The following ZNF277 variants were observed in gnomAD, a reference collection of about 807,000 sequenced individuals.
The protein encoded by ZNF277 is zinc finger protein 277.
ZNF277 carries 55 observed loss-of-function variants against 60.7 expected under a neutral mutation model. The observed-to-expected ratio is 0.91, with a 90% confidence interval of 0.73 to 1.13. The LOEUF (loss-of-function observed/expected upper bound fraction) is 1.13. Among genes scored for constraint, ZNF277 ranks in the 50% most tolerant of loss-of-function variants. ZNF277 has a pLI of 0.00. For synonymous variants in ZNF277, 178 were observed against 179.3 expected (o/e 0.99, Z 0.06); for missense variants, 510 against 523.0 (o/e 0.98, Z 0.24).
intron 5 of ZNF277, among the ~76,000 whole-genome samples, chr7:112,324,983 A>T (rs1399219528): frequency 6.6e-6 from 1 of 152,102 alleles, no homozygotes; most frequent in Non-Finnish European, 1.5e-5. Flanking sequence ...CCTCATTGGT[A>T]TGGGCTATCT....
chr7:112,340,611 T>C (rs1243497154), intron 10 of ZNF277, among the ~76,000 whole-genome samples: 2 of 152,220 alleles, frequency 1.3e-5, no homozygotes, highest in Non-Finnish European at 2.9e-5. Context: ...TAATATGTAA[T>C]GTAGGTATGA....
chr7:112,285,869 C>G (rs1792053462), intron 1 of ZNF277, among the ~76,000 whole-genome samples: 1 of 152,168 alleles, frequency 6.6e-6, no homozygotes, highest in African/African-American at 2.4e-5. Context: ...TAACCTAATT[C>G]TGAAAACTTG....
chr7:112,258,281 G>A (rs974785247), intron 1 of ZNF277, among the ~76,000 whole-genome samples: 1 of 147,294 alleles, frequency 6.8e-6, no homozygotes, highest in African/African-American at 2.5e-5. Context: ...CTTTTTTTTT[G>A]CTTTCTTCCT....
intron 1 of ZNF277, among the ~76,000 whole-genome samples, chr7:112,283,542 A>T (rs1405021024): frequency 6.6e-6 from 1 of 152,132 alleles, no homozygotes; most frequent in Non-Finnish European, 1.5e-5. Flanking sequence ...CAAGCCCCCA[A>T]ATACAACTTA....
In ZNF277 at chr7:112,228,638, G is replaced by A. The variant is rs565396240; in HGVS notation, c.91+21831G>A. 2.0e-5 allele frequency among the ~76,000 whole-genome samples: 3 copies of A among 151,558 alleles called. No individual in the cohort carries two copies. In the South Asian group the frequency reaches 6.3e-4, roughly 32 times the overall value. On this transcript the variant is annotated intron_variant, in intron 1 of 11. Transcript: ENST00000361822. ...AAATATGCATGGTCTTTTATGCCAG[G>A]CTTTTCCAACACTCTTATTTTTTTA...
chr7:112,343,012 A>T lies in ZNF277; in HGVS notation c.*283A>T, dbSNP rs2117152141. 4.9e-6 allele frequency: 1 copy of T among 202,390 alleles called. No homozygotes were observed. The highest frequency in any genetic ancestry group is 1.1e-4 in the East Asian group (1 of 9,092). The allele number at this position is 202,390 out of a possible 1,614,324, so 12.5% of individuals were successfully genotyped here. A position where few individuals can be genotyped will look rare whatever the true frequency, so the allele number is the denominator to read the frequency against. On this transcript the variant is annotated 3_prime_UTR_variant, in exon 12 of 12. Coordinates refer to ENST00000361822, the MANE Select transcript of ZNF277 (RefSeq NM_021994.3). ...ATCTTAAATTATCTCACTTCATTAA[A>T]CTCATAATTATATATAGAAGTATAT...
chr7:112,324,917 G>A (rs185195614), intron 5 of ZNF277, among the ~76,000 whole-genome samples: 6,630 of 152,156 alleles, frequency 0.044, 341 homozygotes, highest in African/African-American at 0.13. Context: ...AGGGACAAGA[G>A]AAGATGAATT....
chr7:112,227,784 TA>T (rs1822213820), intron 1 of ZNF277, among the ~76,000 whole-genome samples: 1 of 152,162 alleles, frequency 6.6e-6, no homozygotes, highest in South Asian at 2.1e-4. Context: ...TGAATGGCTA[TA>T]TTATTATGTA....
chr7:112,285,452 T>G (rs79811262), intron 1 of ZNF277, among the ~76,000 whole-genome samples: 2 of 136,362 alleles, frequency 1.5e-5, no homozygotes, highest in African/African-American at 6.0e-5. Context: ...TTTTTTTTTT[T>G]GGAATGATGT....
chr7:112,336,367 AT>A (rs1228695425), intron 8 of ZNF277, among the ~76,000 whole-genome samples, 196 bp downstream of exon 8: 2 of 152,232 alleles, frequency 1.3e-5, no homozygotes, highest in Admixed American at 1.3e-4. Flanking sequence ...AGACACTGTT[AT>A]TCCAACTAAA....
rs1373948855 is a variant in ZNF277, at chr7:112,343,392, C to G, written c.*663C>G. Among the ~76,000 whole-genome samples the G allele has an allele frequency of 6.6e-6, 1 of 151,914 alleles. No individual in the cohort carries two copies. The highest frequency in any genetic ancestry group is 1.5e-5 in the Non-Finnish European group (1 of 68,012). ...TTTGTATGTCACTAACATTTAAATG[C>G]CATTTTTTAAAAACATAACCACAAT... On this transcript the variant is annotated 3_prime_UTR_variant, in exon 12 of 12. Transcript: ENST00000361822.
At chr7:112,317,459 G>C (rs1792868624) in intron 4 of ZNF277, among the ~76,000 whole-genome samples, 1 of 152,090 alleles carries the variant, frequency 6.6e-6, no homozygotes, top group Admixed American at 6.6e-5. Context: ...ATAGAAATAG[G>C]AATCAAGTGG....
At chr7:112,315,842 T>C (rs913394019) in intron 4 of ZNF277, among the ~76,000 whole-genome samples, 1 of 152,056 alleles carries the variant, frequency 6.6e-6, no homozygotes, top group Admixed American at 6.6e-5. Flanking sequence ...GAGTGGCTCA[T>C]TTGTATTGAA....
In ZNF277 at chr7:112,326,105, T is replaced by C. The variant is rs539863145; in HGVS notation, c.558-1612T>C. ...CCCTGAGTACATTCAGTGTGACTCT[T>C]AATGGCAAGATATTTTGATCCTAGA... On this transcript the variant is annotated intron_variant, in intron 5 of 11. Coordinates refer to ENST00000361822, the MANE Select transcript of ZNF277 (RefSeq NM_021994.3). 2.0e-5 allele frequency among the ~76,000 whole-genome samples: 3 copies of C among 152,258 alleles called. No individual in the cohort carries two copies. In the South Asian group the frequency reaches 6.2e-4, roughly 32 times the overall value.
chr7:112,224,254 C>T (rs1822113796), intron 1 of ZNF277, among the ~76,000 whole-genome samples: 2 of 152,196 alleles, frequency 1.3e-5, no homozygotes, highest in African/African-American at 4.8e-5. Flanking sequence ...TGTCTTGGAC[C>T]ACACATAAAA....
chr7:112,285,579 C>G (rs1186500301), intron 1 of ZNF277, among the ~76,000 whole-genome samples: 3 of 151,738 alleles, frequency 2.0e-5, no homozygotes, highest in Non-Finnish European at 4.4e-5. Flanking sequence ...GGATGACAGG[C>G]ACACACTACC....
intron 1 of ZNF277, among the ~76,000 whole-genome samples, chr7:112,279,689 T>C (rs1237017720): frequency 6.6e-6 from 1 of 152,204 alleles, no homozygotes; most frequent in Non-Finnish European, 1.5e-5. Context: ...AGCCTACTGT[T>C]GACCAGAACA....
intron 1 of ZNF277, among the ~76,000 whole-genome samples, chr7:112,228,502 G>C (rs1822235812): frequency 9.3e-6 from 1 of 107,470 alleles, no homozygotes; most frequent in Non-Finnish European, 1.7e-5. Flanking sequence ...AGCACATGCT[G>C]TCCCTTGCTT....
chr7:112,301,875 T>C (rs1792478623), intron 4 of ZNF277, among the ~76,000 whole-genome samples: 1 of 152,186 alleles, frequency 6.6e-6, no homozygotes, highest in African/African-American at 2.4e-5. Context: ...TCCTGAAGTA[T>C]TGGCTTGTAA....
Sources: gnomAD v4.1 joint callset for allele counts (sites outside exome capture counted in the v4.1 genomes callset) on GRCh38, gnomAD v4.1.1 for gene constraint, MANE v1.5 for transcripts, NCBI Gene and HGNC (gene_info 2026-07-23, HGNC 2026-07-21) for gene names.